BARX2: variants seen among roughly 807,000 people sequenced by gnomAD.
BARX2 encodes the protein homeobox protein BarH-like 2.
A neutral mutation model predicts 25.5 loss-of-function variants in BARX2; 11 were observed. The observed-to-expected ratio is 0.43, with a 90% confidence interval of 0.27 to 0.71. BARX2 has a LOEUF of 0.71. BARX2 is among the 30% of genes least tolerant of loss of function. The pLI is 0.19. For missense variants in BARX2, 360 were observed against 359.9 expected, an observed-to-expected ratio of 1.00 and a Z score of 0.00; for synonymous variants, 137 against 149.5, an observed-to-expected ratio of 0.92 and a Z score of 0.61.
At chr11:129,381,173 C>T (rs533372792) in intron 1 of BARX2, among the ~76,000 whole-genome samples, 64 of 152,280 alleles carry the variant, frequency 4.2e-4, no homozygotes, top group Non-Finnish European at 8.5e-4. Flanking sequence ...ATTTCGTTCA[C>T]GGGTTGAAAT....
chr11:129,441,537 C>T (rs909542771), intron 2 of BARX2, among the ~76,000 whole-genome samples: 1 of 152,208 alleles, frequency 6.6e-6, no homozygotes, highest in Non-Finnish European at 1.5e-5. Flanking sequence ...CAACCTCCGC[C>T]TCCCAGGTTC....
At chr11:129,423,774 TA>T (rs1862034308) in intron 1 of BARX2, among the ~76,000 whole-genome samples, 1 of 152,220 alleles carries the variant, frequency 6.6e-6, no homozygotes, top group African/African-American at 2.4e-5. Context: ...CTGTCTCTTC[TA>T]TTGATGATTT....
At chr11:129,388,269 T>C (rs891725736) in intron 1 of BARX2, among the ~76,000 whole-genome samples, 1 of 152,192 alleles carries the variant, frequency 6.6e-6, no homozygotes, top group African/African-American at 2.4e-5. Context: ...GGTTTCTGAA[T>C]GATTCCAGAG....
At chr11:129,399,725 CCT>C (rs1861757401) in intron 1 of BARX2, among the ~76,000 whole-genome samples, 1 of 152,108 alleles carries the variant, frequency 6.6e-6, no homozygotes, top group African/African-American at 2.4e-5. Context: ...ACTTATACCC[CCT>C]TTTAATTATA....
At chr11:129,442,564 T>G (rs1862274554) in intron 2 of BARX2, 1 of 448,038 alleles carries the variant, frequency 2.2e-6, no homozygotes. Context: ...CCAGGCATCC[T>G]TCTCAGGTCC....
chr11:129,413,391 G>C (rs907136056), intron 1 of BARX2, among the ~76,000 whole-genome samples: 1 of 152,196 alleles, frequency 6.6e-6, no homozygotes, highest in Non-Finnish European at 1.5e-5. Flanking sequence ...GCAGAGAGAG[G>C]CCAGAGCGTG....
At chr11:129,405,873 T>C (rs73569148) in intron 1 of BARX2, among the ~76,000 whole-genome samples, 4,939 of 152,324 alleles carry the variant, frequency 0.032, 104 homozygotes, top group East Asian at 0.11. Context: ...GTCCAGATCA[T>C]GTACCATCTC....
intron 1 of BARX2, among the ~76,000 whole-genome samples, chr11:129,409,637 A>G (rs754248082): frequency 1.3e-5 from 2 of 152,226 alleles, no homozygotes; most frequent in Non-Finnish European, 2.9e-5. Flanking sequence ...TTTTACCAGT[A>G]GCTGTTCTTT....
intron 2 of BARX2, chr11:129,437,562 G>C (rs1862206566): frequency 2.1e-6 from 2 of 962,060 alleles, no homozygotes; most frequent in Non-Finnish European, 1.2e-6. Flanking sequence ...GAATTTGCTG[G>C]ATGTCAAGTC....
intron 1 of BARX2, among the ~76,000 whole-genome samples, chr11:129,419,987 G>A (rs1476623397): frequency 6.6e-6 from 1 of 151,922 alleles, no homozygotes; most frequent in Non-Finnish European, 1.5e-5. Context: ...CACCATGTTG[G>A]CCAGGTTGTT....
At chr11:129,394,761 A>G (rs1488678414) in intron 1 of BARX2, among the ~76,000 whole-genome samples, 1 of 152,224 alleles carries the variant, frequency 6.6e-6, no homozygotes, top group African/African-American at 2.4e-5. Context: ...GAATTGCATT[A>G]TATAGGTAAA....
intron 1 of BARX2, among the ~76,000 whole-genome samples, chr11:129,413,660 T>C (rs1470861731): frequency 6.6e-6 from 1 of 152,014 alleles, no homozygotes; most frequent in Non-Finnish European, 1.5e-5. Flanking sequence ...GGTCAAGGCA[T>C]GAAGCTTAGG....
chr11:129,451,014 A>G, intron 3 of BARX2, 122 bp from the exon 4 acceptor site: 1 of 1,302,800 alleles, frequency 7.7e-7, no homozygotes, highest in South Asian at 1.5e-5. Context: ...ATATTTTGCC[A>G]AATCCTGCAA....
chr11:129,413,189 C>A (rs1233183320), intron 1 of BARX2, among the ~76,000 whole-genome samples: 1 of 152,180 alleles, frequency 6.6e-6, no homozygotes, highest in East Asian at 1.9e-4. Context: ...TTATCTTATT[C>A]TCGTAATATA....
chr11:129,385,926 A>G (rs1284539893), intron 1 of BARX2, among the ~76,000 whole-genome samples: 6 of 152,246 alleles, frequency 3.9e-5, no homozygotes, highest in Non-Finnish European at 1.5e-5. Flanking sequence ...TAGCATTTAA[A>G]TACAGAGCTT....
At chr11:129,378,365 A>G (rs1861525486) in intron 1 of BARX2, among the ~76,000 whole-genome samples, 1 of 152,218 alleles carries the variant, frequency 6.6e-6, no homozygotes, top group Admixed American at 6.5e-5. Context: ...GTATTAGATC[A>G]TGGGAATCCC....
In BARX2 at chr11:129,436,319, T is replaced by C; in HGVS notation, c.188-432T>C. On this transcript the variant is annotated intron_variant, in intron 1 of 3. Transcript: ENST00000281437. This position sits in a 1 kb window ranked among gnomAD's most constrained non-coding sequence, Gnocchi z 4.5. ...AGACTTCTCAGGAAGAATTCATAGC[T>C]ACAAGCATGTCTTTTTATAAAGACC... is the stretch of plus-strand genomic sequence containing the variant. The C allele has an allele frequency of 6.0e-6, 1 of 167,612 alleles. No homozygotes were observed. The allele number at this position is 167,612 out of a possible 1,614,324, so 10.4% of individuals were successfully genotyped here. A position where few individuals can be genotyped will look rare whatever the true frequency, so the allele number is the denominator to read the frequency against.
At chr11:129,441,513 A>G (rs1476474210) in intron 2 of BARX2, among the ~76,000 whole-genome samples, 7 of 152,144 alleles carry the variant, frequency 4.6e-5, no homozygotes, top group Admixed American at 4.6e-4. Flanking sequence ...CCGTGGCGCC[A>G]TCTCGGCTCA....
intron 1 of BARX2, among the ~76,000 whole-genome samples, chr11:129,400,880 T>G (rs540625683): frequency 1.5e-4 from 23 of 151,964 alleles, no homozygotes; most frequent in Admixed American, 1.2e-3. Context: ...CCCAGAGAGA[T>G]AAAGAAAGAT....
Sources: allele counts gnomAD v4.1 joint callset (sites outside exome capture counted in the v4.1 genomes callset), GRCh38; gene constraint gnomAD v4.1.1; non-coding constraint Gnocchi (gnomAD v3.1); transcripts MANE v1.5; gene names NCBI Gene and HGNC (gene_info 2026-07-23, HGNC 2026-07-21).